The following FAM13C variants were observed in gnomAD, a reference collection of about 807,000 sequenced individuals.
FAM13C encodes the protein protein FAM13C.
In FAM13C, 37 loss-of-function variants were observed where a neutral mutation model predicts 73.2. That is an observed-to-expected ratio of 0.51 (90% CI 0.39 to 0.67). The LOEUF (loss-of-function observed/expected upper bound fraction) is 0.67. Among genes scored for constraint, FAM13C ranks in the 30% least tolerant of loss-of-function variants. The probability of loss-of-function intolerance (pLI) is 0.00; values close to 1 mark genes in which losing one functional copy is unlikely to be tolerated. For missense variants in FAM13C, 589 were observed against 715.6 expected (o/e 0.82, Z 2.02); for synonymous variants, 246 against 260.9 (o/e 0.94, Z 0.55).
At chr10:59,335,151 G>A (rs1852552971) in intron 3 of FAM13C, among the ~76,000 whole-genome samples, 1 of 152,180 alleles carries the variant, frequency 6.6e-6, no homozygotes, top group Non-Finnish European at 1.5e-5. Context: ...CATTAGGGCT[G>A]TTTATTGCTA....
intron 1 of FAM13C, among the ~76,000 whole-genome samples, chr10:59,360,320 G>T (rs1175878486): frequency 6.6e-6 from 1 of 152,132 alleles, no homozygotes. Flanking sequence ...ATCATCTCTA[G>T]GTGAAATTTC....
intron 3 of FAM13C, among the ~76,000 whole-genome samples, chr10:59,351,331 CA>C (rs10666673): frequency 1.0e-4 from 14 of 134,274 alleles, no homozygotes; most frequent in South Asian, 2.5e-4. Flanking sequence ...GACCCTGTCT[CA>C]AAAAAAAAAA....
chr10:59,327,170 G>A (rs899322165), intron 3 of FAM13C, among the ~76,000 whole-genome samples: 7 of 151,482 alleles, frequency 4.6e-5, no homozygotes, highest in Non-Finnish European at 1.5e-5. Flanking sequence ...ACCTTACAGG[G>A]AATAGGGGAG....
At chr10:59,304,834 CGGGGGAGGGGGA>C (rs1251595428) in intron 4 of FAM13C, among the ~76,000 whole-genome samples, 1 of 33,642 alleles carries the variant, frequency 3.0e-5, no homozygotes, top group Admixed American at 3.2e-4. Context: ...GGGGAGGGGG[CGGGGGAGGGGGA>C]GGGGGAGGGG....
intron 4 of FAM13C, among the ~76,000 whole-genome samples, chr10:59,312,619 C>T (rs1849064355): frequency 6.6e-6 from 1 of 152,172 alleles, no homozygotes; most frequent in African/African-American, 2.4e-5. Context: ...CCCAGGCTAC[C>T]AGGCCCCATG....
chr10:59,318,537 G>A (rs375558840), intron 4 of FAM13C, among the ~76,000 whole-genome samples: 2 of 152,232 alleles, frequency 1.3e-5, no homozygotes, highest in East Asian at 1.9e-4. Context: ...AATTCCTTAT[G>A]TTAGAGGAGG....
chr10:59,308,911 C>T (rs2133915285), intron 4 of FAM13C, among the ~76,000 whole-genome samples: 1 of 152,272 alleles, frequency 6.6e-6, no homozygotes, highest in South Asian at 2.1e-4. Flanking sequence ...GAGTTCAAAA[C>T]AATAAACCCA....
intron 4 of FAM13C, 151 bp downstream of exon 4, chr10:59,323,837 T>C (rs1679507970): frequency 7.0e-6 from 5 of 710,720 alleles, no homozygotes; most frequent in African/African-American, 1.8e-5. Context: ...CAGCGATTCC[T>C]CTTCTAGGCC....
intron 4 of FAM13C, among the ~76,000 whole-genome samples, chr10:59,319,973 CAGG>C (rs755344718): frequency 6.6e-6 from 1 of 152,140 alleles, no homozygotes; most frequent in Non-Finnish European, 1.5e-5. Context: ...CATTTTCATC[CAGG>C]AGGACTTAGC....
intron 3 of FAM13C, among the ~76,000 whole-genome samples, chr10:59,345,047 T>G (rs1380509637): frequency 6.6e-6 from 1 of 152,172 alleles, no homozygotes; most frequent in Non-Finnish European, 1.5e-5. Flanking sequence ...ATTCTTTAAA[T>G]TAGAATTTAT....
chr10:59,273,774 A>C (rs1843989732), intron 6 of FAM13C, among the ~76,000 whole-genome samples: 1 of 152,152 alleles, frequency 6.6e-6, no homozygotes. Context: ...AGTTACTATC[A>C]GTGTGTGAAG....
intron 8 of FAM13C, among the ~76,000 whole-genome samples, chr10:59,268,249 AGAC>A (rs983392468): frequency 6.7e-6 from 1 of 148,326 alleles, no homozygotes; most frequent in African/African-American, 2.6e-5. Context: ...AAGAAGAAGA[AGAC>A]CATAATTCAA....
intron 13 of FAM13C, among the ~76,000 whole-genome samples, chr10:59,249,352 C>T (rs191171471): frequency 4.6e-4 from 63 of 135,816 alleles, no homozygotes; most frequent in Middle Eastern, 4.4e-3. Context: ...TGCAGTGAGC[C>T]GAGATCGCGT....
At chr10:59,256,660 A>G (rs1207324241) in intron 10 of FAM13C, among the ~76,000 whole-genome samples, 1 of 152,212 alleles carries the variant, frequency 6.6e-6, no homozygotes, top group Admixed American at 6.5e-5. Flanking sequence ...GAGGACAGGA[A>G]AGCAGATTGC....
intron 2 of FAM13C, among the ~76,000 whole-genome samples, chr10:59,354,713 G>C (rs890474708): frequency 1.2e-4 from 18 of 152,166 alleles, no homozygotes; most frequent in African/African-American, 3.9e-4. Flanking sequence ...AAAAAGGAGA[G>C]AGAGAGAGTT....
intron 3 of FAM13C, among the ~76,000 whole-genome samples, chr10:59,334,633 T>A (rs896823094): frequency 3.9e-5 from 6 of 151,920 alleles, no homozygotes; most frequent in East Asian, 1.9e-4. Context: ...CTGGAAACCA[T>A]CATTCTCAGC....
intron 6 of FAM13C, among the ~76,000 whole-genome samples, chr10:59,273,442 T>A (rs937885676): frequency 2.6e-5 from 4 of 152,086 alleles, no homozygotes; most frequent in African/African-American, 9.7e-5. Flanking sequence ...AACCAATATA[T>A]CCCTCAACAT....
chr10:59,258,041 A>T (rs1160511378), intron 10 of FAM13C, among the ~76,000 whole-genome samples: 1 of 152,212 alleles, frequency 6.6e-6, no homozygotes, highest in African/African-American at 2.4e-5. Flanking sequence ...AAAGAATGCC[A>T]CAGTGCTATT....
intron 3 of FAM13C, among the ~76,000 whole-genome samples, chr10:59,336,476 G>A (rs1357967713): frequency 6.6e-6 from 1 of 152,136 alleles, no homozygotes; most frequent in Admixed American, 6.6e-5. Flanking sequence ...CTCATTTCTT[G>A]CTGCATTCAC....
Sources: gnomAD v4.1 joint callset for allele counts (sites outside exome capture counted in the v4.1 genomes callset) on GRCh38, gnomAD v4.1.1 for gene constraint, MANE v1.5 for transcripts, NCBI Gene and HGNC (gene_info 2026-07-23, HGNC 2026-07-21) for gene names.